Variants in NDST4 observed in about 807,000 individuals in gnomAD.
NDST4 encodes N-heparan sulfate sulfotransferase 4.
In NDST4, 63 loss-of-function variants were observed where a neutral mutation model predicts 100.8. The ratio of observed to expected loss-of-function variants is 0.62; its 90% confidence interval spans 0.51 to 0.77. NDST4 has a LOEUF of 0.77. Among genes scored for constraint, NDST4 ranks in the 30% least tolerant of loss-of-function variants. The probability of loss-of-function intolerance (pLI) is 0.00; values close to 1 mark genes in which losing one functional copy is unlikely to be tolerated. For synonymous variants in NDST4, 377 were observed against 361.8 expected, an observed-to-expected ratio of 1.04 and a Z score of -0.48; for missense variants, 943 against 1,018.4, an observed-to-expected ratio of 0.93 and a Z score of 1.01.
chr4:115,021,413 C>CAT (rs202201902), intron 2 of NDST4, among the ~76,000 whole-genome samples: 2,468 of 149,540 alleles, frequency 0.017, 95 homozygotes, highest in African/African-American at 0.058. Context: ...AAATACATTC[C>CAT]ACATACATTC....
intron 6 of NDST4, among the ~76,000 whole-genome samples, chr4:114,901,880 A>G (rs1196928993): frequency 6.6e-6 from 1 of 151,412 alleles, no homozygotes; most frequent in Non-Finnish European, 1.5e-5. Context: ...TCCAATATAC[A>G]TTTACAATTA....
chr4:114,900,501 T>A (rs1400667043), intron 6 of NDST4, among the ~76,000 whole-genome samples: 2 of 152,130 alleles, frequency 1.3e-5, no homozygotes, highest in Admixed American at 6.5e-5. Flanking sequence ...GTGATTATAA[T>A]ACCATATTTT....
intron 2 of NDST4, among the ~76,000 whole-genome samples, chr4:115,048,689 G>C (rs975022623): frequency 6.6e-6 from 1 of 151,886 alleles, no homozygotes; most frequent in African/African-American, 2.4e-5. Context: ...CCAGGATGGA[G>C]AGCAGGGGCA....
chr4:114,987,772 C>T (rs1399026422), intron 2 of NDST4, among the ~76,000 whole-genome samples: 1 of 152,082 alleles, frequency 6.6e-6, no homozygotes, highest in Admixed American at 6.5e-5. Context: ...TATCTTTTAC[C>T]TCAAATAATC....
chr4:115,094,548 T>A (rs1267989492), intron 1 of NDST4, among the ~76,000 whole-genome samples: 8 of 152,032 alleles, frequency 5.3e-5, no homozygotes, highest in African/African-American at 1.9e-4. Context: ...GAATAAAACA[T>A]AATGACAAAG....
intron 4 of NDST4, among the ~76,000 whole-genome samples, chr4:114,967,789 A>T (rs279533): frequency 0.35 from 51,170 of 148,148 alleles, 8,750 homozygotes; most frequent in Middle Eastern, 0.5. Context: ...TATTTTTTTT[A>T]AAAAAAATTA....
chr4:114,929,036 CTGTCT>C (rs1725440633), intron 6 of NDST4, among the ~76,000 whole-genome samples: 4 of 146,614 alleles, frequency 2.7e-5, no homozygotes, highest in Admixed American at 6.8e-5. Flanking sequence ...GTCTGTCTGT[CTGTCT>C]GTCCGTCCGT....
intron 4 of NDST4, among the ~76,000 whole-genome samples, chr4:114,940,476 C>T (rs1725724874): frequency 6.6e-6 from 1 of 152,074 alleles, no homozygotes; most frequent in South Asian, 2.1e-4. Flanking sequence ...GGATGGTTCC[C>T]TTGGGTTTGC....
intron 2 of NDST4, among the ~76,000 whole-genome samples, chr4:114,997,193 C>G (rs1727183776): frequency 6.6e-6 from 1 of 152,034 alleles, no homozygotes; most frequent in Admixed American, 6.6e-5. Flanking sequence ...CACCAAAGCC[C>G]TATTGCAAAA....
chr4:114,935,518 A>T (rs1725609971), intron 5 of NDST4, among the ~76,000 whole-genome samples, 184 bp from the exon 6 acceptor site: 1 of 148,778 alleles, frequency 6.7e-6, no homozygotes, highest in Non-Finnish European at 1.5e-5. Context: ...GGGAGTTTCC[A>T]TATCAAAGGC....
At chr4:115,055,741 T>C (rs1312261822) in intron 2 of NDST4, among the ~76,000 whole-genome samples, 1 of 151,964 alleles carries the variant, frequency 6.6e-6, no homozygotes, top group Non-Finnish European at 1.5e-5. Flanking sequence ...TGAGAAACAA[T>C]AGAGGGATGA....
chr4:115,049,553 T>A (rs1285073371), intron 2 of NDST4, among the ~76,000 whole-genome samples: 1 of 152,178 alleles, frequency 6.6e-6, no homozygotes, highest in Non-Finnish European at 1.5e-5. Flanking sequence ...TAAATTGAAC[T>A]AATATGTAAT....
chr4:114,902,119 G>A (rs1724854233), intron 6 of NDST4, among the ~76,000 whole-genome samples: 1 of 151,926 alleles, frequency 6.6e-6, no homozygotes, highest in African/African-American at 2.4e-5. Context: ...TTATGTGTTA[G>A]ATTAACTAAG....
Position 115,007,467 on chromosome 4 carries a change from A to G in NDST4, c.979-30193T>C, listed in dbSNP as rs938290276. The stretch of plus-strand genomic sequence containing the variant: ...AGACAGCACCTTCAAGAGTAAACAG[A>G]CAAAAACTGATGAAACAGAAGGTAA... On this transcript the variant is annotated intron_variant, in intron 2 of 13. Coordinates refer to ENST00000264363, the MANE Select transcript of NDST4 (RefSeq NM_022569.3). 5.3e-5 allele frequency among the ~76,000 whole-genome samples: 8 copies of G among 152,308 alleles called. No homozygotes were observed. In the South Asian group the frequency reaches 1.7e-3, roughly 32 times the overall value.
intron 2 of NDST4, among the ~76,000 whole-genome samples, chr4:115,033,157 A>ATATATATATATTT (rs1491126767): frequency 5.0e-5 from 3 of 59,948 alleles, no homozygotes; most frequent in African/African-American, 1.7e-4. Flanking sequence ...ATATATATAT[A>ATATATATATATTT]TTTTTTTTTT....
chr4:114,931,771 C>G (rs1431716616), intron 6 of NDST4, among the ~76,000 whole-genome samples: 2 of 151,612 alleles, frequency 1.3e-5, no homozygotes, highest in Non-Finnish European at 3.0e-5. Flanking sequence ...CAGAAAGATA[C>G]AATTTACCAA....
chr4:114,889,604 C>T (rs1724551430), intron 6 of NDST4, among the ~76,000 whole-genome samples: 1 of 152,090 alleles, frequency 6.6e-6, no homozygotes, highest in Non-Finnish European at 1.5e-5. Context: ...GTTGATAATC[C>T]TTATGGAACT....
At chr4:114,884,447 T>C (rs1295975463) in intron 6 of NDST4, among the ~76,000 whole-genome samples, 1 of 152,180 alleles carries the variant, frequency 6.6e-6, no homozygotes, top group Non-Finnish European at 1.5e-5. Context: ...AAAATTCCCT[T>C]ACTTTAGAGG....
chr4:115,043,196 T>C (rs572210034), intron 2 of NDST4, among the ~76,000 whole-genome samples: 1 of 152,160 alleles, frequency 6.6e-6, no homozygotes, highest in African/African-American at 2.4e-5. Context: ...AATGAAATTA[T>C]GATAAATATG....
Sources: allele counts gnomAD v4.1 joint callset (sites outside exome capture counted in the v4.1 genomes callset), GRCh38; gene constraint gnomAD v4.1.1; transcripts MANE v1.5; gene names NCBI Gene and HGNC (gene_info 2026-07-23, HGNC 2026-07-21).